NXPE2: variants seen among roughly 807,000 people sequenced by gnomAD.
The protein encoded by NXPE2 is neurexophilin and PC-esterase domain family member 2.
A neutral mutation model predicts 34.4 loss-of-function variants in NXPE2; 34 were observed. The observed-to-expected ratio is 0.99, with a 90% CI of 0.75 to 1.31. NXPE2 has a LOEUF of 1.31. Ranked by LOEUF, NXPE2 falls within the 40% of genes most tolerant of loss-of-function variation. The pLI, the probability that NXPE2 is intolerant of heterozygous loss-of-function variation, is 0.00. For synonymous variants in NXPE2, 235 were observed against 231.3 expected, an observed-to-expected ratio of 1.02 and a Z score of -0.15; for missense variants, 649 against 672.5, an observed-to-expected ratio of 0.97 and a Z score of 0.39.
chr11:114,805,072 A>T, the NXPE2 span, among the ~76,000 whole-genome samples: 1 of 152,148 alleles, frequency 6.6e-6, no homozygotes, highest in Non-Finnish European at 1.5e-5. Context: ...TAGTCAGATT[A>T]GGTACAATCA....
the NXPE2 span, among the ~76,000 whole-genome samples, chr11:114,781,216 C>A: frequency 6.6e-6 from 1 of 152,094 alleles, no homozygotes; most frequent in Non-Finnish European, 1.5e-5. Context: ...CACTAGCTTC[C>A]CCTACCTCCT....
the NXPE2 span, among the ~76,000 whole-genome samples, chr11:114,652,086 T>G: frequency 6.6e-6 from 1 of 152,190 alleles, no homozygotes; most frequent in South Asian, 2.1e-4. Context: ...ACACCAATAC[T>G]TAAATTTTTT....
At chr11:114,782,802 G>A in the NXPE2 span, among the ~76,000 whole-genome samples, 4 of 152,130 alleles carry the variant, frequency 2.6e-5, no homozygotes, top group Non-Finnish European at 5.9e-5. Flanking sequence ...TAAGGGCTGG[G>A]TCTTTAGCAC....
the NXPE2 span, among the ~76,000 whole-genome samples, chr11:114,632,514 ATAT>A: frequency 2.4e-5 from 3 of 124,048 alleles, no homozygotes; most frequent in Non-Finnish European, 4.7e-5. Flanking sequence ...ATTTTATTTT[ATAT>A]TATATTTTGC....
chr11:114,597,109 T>C, the NXPE2 span, among the ~76,000 whole-genome samples: 1 of 82,178 alleles, frequency 1.2e-5, no homozygotes, highest in Non-Finnish European at 2.5e-5. Context: ...ATAATATTAC[T>C]TGAAGGATAG....
At chr11:114,712,632 A>T in the NXPE2 span, among the ~76,000 whole-genome samples, 1 of 152,208 alleles carries the variant, frequency 6.6e-6, no homozygotes, top group Non-Finnish European at 1.5e-5. Flanking sequence ...GTTTGTGAGG[A>T]TGTGAAGAAG....
chr11:114,473,925 T>G, the NXPE2 span, among the ~76,000 whole-genome samples: 2 of 151,782 alleles, frequency 1.3e-5, no homozygotes, highest in Admixed American at 1.3e-4. Context: ...ATGACTTAAA[T>G]GTGTGTTTGA....
At chr11:114,529,563 G>C in the NXPE2 span, 1 of 152,374 alleles carries the variant, frequency 6.6e-6, no homozygotes, top group Non-Finnish European at 1.5e-5. Context: ...GTTGAACCAG[G>C]GGTTTGCAGG....
At chr11:114,756,529 G>A in the NXPE2 span, among the ~76,000 whole-genome samples, 5 of 151,966 alleles carry the variant, frequency 3.3e-5, no homozygotes, top group East Asian at 9.7e-4. Flanking sequence ...CTTAAGCATA[G>A]GTATAATTCC....
the NXPE2 span, among the ~76,000 whole-genome samples, chr11:114,670,102 CA>C: frequency 6.6e-6 from 1 of 152,010 alleles, no homozygotes; most frequent in Non-Finnish European, 1.5e-5. Flanking sequence ...AACTGCCCCT[CA>C]AAGGAGTCTA....
chr11:114,620,586 G>T, the NXPE2 span, among the ~76,000 whole-genome samples: 4 of 152,146 alleles, frequency 2.6e-5, no homozygotes, highest in East Asian at 7.7e-4. Flanking sequence ...AATAAGTGTT[G>T]CCTCTAGGGT....
the NXPE2 span, among the ~76,000 whole-genome samples, chr11:114,634,618 T>C: frequency 8.3e-3 from 1,256 of 152,158 alleles, 21 homozygotes; most frequent in African/African-American, 0.028. Flanking sequence ...AAGTCTTTAA[T>C]ACATTTTGAA....
At chr11:114,614,234 T>G in the NXPE2 span, among the ~76,000 whole-genome samples, 4 of 151,938 alleles carry the variant, frequency 2.6e-5, no homozygotes, top group African/African-American at 9.7e-5. Flanking sequence ...GCCTCGTGGG[T>G]AACCACTGTT....
chr11:114,646,573 C>T, the NXPE2 span, among the ~76,000 whole-genome samples: 2 of 151,854 alleles, frequency 1.3e-5, no homozygotes, highest in Non-Finnish European at 2.9e-5. Flanking sequence ...AATATAGTTG[C>T]TATTCATTTC....
the NXPE2 span, among the ~76,000 whole-genome samples, chr11:114,807,463 C>T: frequency 6.6e-6 from 1 of 151,926 alleles, no homozygotes; most frequent in African/African-American, 2.4e-5. Context: ...CATGCAGAGA[C>T]ACATATAGGC....
chr11:114,560,494 T>G, the NXPE2 span, among the ~76,000 whole-genome samples: 2 of 152,104 alleles, frequency 1.3e-5, no homozygotes, highest in Non-Finnish European at 2.9e-5. Context: ...CTTGAACTCC[T>G]GGGCTCAAGT....
downstream of NXPE2, among the ~76,000 whole-genome samples, chr11:114,711,574 A>G (rs1859613038): frequency 6.6e-6 from 1 of 152,186 alleles, no homozygotes; most frequent in South Asian, 2.1e-4. Context: ...GAGATGAAAG[A>G]CCAAAAAGTA....
chr11:114,630,571 C>T, the NXPE2 span, among the ~76,000 whole-genome samples: 10 of 151,264 alleles, frequency 6.6e-5, no homozygotes, highest in South Asian at 2.1e-4. Context: ...ATAAAAACCC[C>T]AGAAGAAAAC....
chr11:114,633,200 A>G, the NXPE2 span, among the ~76,000 whole-genome samples: 1 of 129,262 alleles, frequency 7.7e-6, no homozygotes, highest in African/African-American at 3.0e-5. Flanking sequence ...TATTATGTAT[A>G]AACATGTATA....
Sources: allele counts gnomAD v4.1 joint callset (sites outside exome capture counted in the v4.1 genomes callset), GRCh38; gene constraint gnomAD v4.1.1; transcripts MANE v1.5; gene names NCBI Gene and HGNC (gene_info 2026-07-23, HGNC 2026-07-21).